EPHA5: variants seen among roughly 807,000 people sequenced by gnomAD.
The protein encoded by EPHA5 is ephrin type-A receptor 5.
In EPHA5, 60 loss-of-function variants were observed where a neutral mutation model predicts 105.0. The ratio of observed to expected loss-of-function variants is 0.57; its 90% CI spans 0.46 to 0.71. EPHA5 has a LOEUF of 0.71. EPHA5 is among the 30% of genes least tolerant of loss of function. The pLI, the probability that EPHA5 is intolerant of heterozygous loss-of-function variation, is 0.00. For missense variants in EPHA5, 1,218 were observed against 1,274.7 expected (o/e 0.96, Z 0.68); for synonymous variants, 513 against 449.1 (o/e 1.14, Z -1.80).
At chr4:65,454,284 T>TA (rs1457388139) in intron 5 of EPHA5, among the ~76,000 whole-genome samples, 4 of 130,888 alleles carry the variant, frequency 3.1e-5, no homozygotes, top group Non-Finnish European at 7.0e-5. Context: ...CCATCTCTAA[T>TA]AATAATAAAT....
intron 2 of EPHA5, among the ~76,000 whole-genome samples, chr4:65,602,672 T>C (rs1743854171): frequency 6.6e-6 from 1 of 152,010 alleles, no homozygotes; most frequent in Admixed American, 6.6e-5. Flanking sequence ...ATGTATATTT[T>C]GAATAAAGTT....
At chr4:65,661,742 C>T (rs951479801) in intron 1 of EPHA5, among the ~76,000 whole-genome samples, 3 of 152,122 alleles carry the variant, frequency 2.0e-5, no homozygotes, top group Admixed American at 2.0e-4. Context: ...ATGGGCTGAA[C>T]TGGTGCCAGC....
chr4:65,518,747 G>A (rs1265731562), intron 3 of EPHA5, among the ~76,000 whole-genome samples: 1 of 151,654 alleles, frequency 6.6e-6, no homozygotes, highest in African/African-American at 2.4e-5. Flanking sequence ...AAGAGCAAAG[G>A]ATACAAGACT....
intron 2 of EPHA5, among the ~76,000 whole-genome samples, chr4:65,625,504 T>C (rs1181353867): frequency 6.6e-6 from 1 of 152,166 alleles, no homozygotes; most frequent in African/African-American, 2.4e-5. Flanking sequence ...CATTCAAGAA[T>C]AAGATATCAA....
At chr4:65,380,190 T>A (rs1719417080) in intron 8 of EPHA5, among the ~76,000 whole-genome samples, 1 of 151,778 alleles carries the variant, frequency 6.6e-6, no homozygotes, top group African/African-American at 2.4e-5. Flanking sequence ...TAGAACACTG[T>A]ACATAACTGC....
At chr4:65,555,801 G>A (rs1175127457) in intron 3 of EPHA5, among the ~76,000 whole-genome samples, 1 of 141,008 alleles carries the variant, frequency 7.1e-6, no homozygotes, top group Non-Finnish European at 1.5e-5. Flanking sequence ...TCAAGTAGGA[G>A]TACTAGGATA....
intron 16 of EPHA5, among the ~76,000 whole-genome samples, chr4:65,325,624 G>A (rs1720004292): frequency 6.6e-6 from 1 of 151,100 alleles, no homozygotes; most frequent in Admixed American, 6.6e-5. Context: ...ACAATCCTCA[G>A]GGAAACTTAA....
rs369361168 is a variant in EPHA5 at position 65,495,400 on chromosome 4, T to C, written c.1054A>G (p.Met352Val). The C allele has an allele frequency of 1.2e-6, 2 of 1,613,024 alleles. No individual in the cohort carries two copies. Among genetic ancestry groups the C allele is most frequent in the African/African-American group, 1.3e-5 (1 of 74,822 alleles). The change falls in exon 4 of 17, where the codon ATG becomes GTG. Residue 352 changes from methionine (M) to valine (V), a missense_variant. This residue lies in a region of EPHA5 where 971 missense variants were observed against 1,013.5 expected (regional missense o/e 0.96). Coordinates refer to ENST00000613740, the MANE Select transcript of EPHA5 (RefSeq NM_001281766.3). Reference sequence around the variant, plus strand: ...TGGGTTTCCTTACTTGTGCATGCCATTGTGGGTGGATCAGACTCTCTCCTG... The same window carrying C: ...TGGGTTTCCTTACTTGTGCATGCCACTGTGGGTGGATCAGACTCTCTCCTG... ...YFRRESDPPTMACTRPPSAPR... is the reference protein window; with the variant it reads ...YFRRESDPPTVACTRPPSAPR...
chr4:65,445,884 G>A (rs1726471079), intron 5 of EPHA5, among the ~76,000 whole-genome samples: 1 of 152,070 alleles, frequency 6.6e-6, no homozygotes, highest in Non-Finnish European at 1.5e-5. Context: ...ACCAATTAGG[G>A]ATGGCGTGCT....
At chr4:65,559,798 C>T (rs1023461691) in intron 3 of EPHA5, among the ~76,000 whole-genome samples, 4 of 152,108 alleles carry the variant, frequency 2.6e-5, no homozygotes, top group African/African-American at 9.7e-5. Flanking sequence ...TGGAAAACAA[C>T]ATTTCTTTGC....
At chr4:65,607,568 A>C (rs1301259736) in intron 2 of EPHA5, among the ~76,000 whole-genome samples, 1 of 152,232 alleles carries the variant, frequency 6.6e-6, no homozygotes, top group Admixed American at 6.5e-5. Flanking sequence ...GCAGCCAACA[A>C]ATATGCGAAA....
chr4:65,348,811 A>AT lies in EPHA5; in HGVS notation c.2446-609dup, dbSNP rs1237822654. Among the ~76,000 whole-genome samples, 377 of 56,392 alleles carry AT rather than the reference A, an allele frequency of 6.7e-3. 51 individuals carry two copies. The highest frequency in any genetic ancestry group is 0.026 in the African/African-American group (358 of 13,634). 37.0% of individuals were successfully genotyped at this position (56,392 alleles called of 152,430 possible). The stretch of plus-strand genomic sequence containing the variant: ...TGTGTGTGTATATATATATATATAT[A>AT]TATATTTTTTTTTTTTTTTTTTGAG... On this transcript the variant is annotated intron_variant, in intron 13 of 16. Transcript: ENST00000613740.
intron 16 of EPHA5, among the ~76,000 whole-genome samples, chr4:65,326,547 C>A (rs988824567): frequency 1.3e-5 from 2 of 151,260 alleles, no homozygotes; most frequent in African/African-American, 4.8e-5. Context: ...CGTGTTTCCA[C>A]ATGTAAATTA....
chr4:65,629,503 G>A (rs1340283146), intron 2 of EPHA5, among the ~76,000 whole-genome samples: 5 of 152,164 alleles, frequency 3.3e-5, no homozygotes, highest in Non-Finnish European at 7.4e-5. Context: ...AAATTCATAT[G>A]TATTGTATGA....
chr4:65,384,823 A>G (rs1459194886), intron 8 of EPHA5, among the ~76,000 whole-genome samples: 3 of 151,932 alleles, frequency 2.0e-5, no homozygotes, highest in Non-Finnish European at 4.4e-5. Flanking sequence ...TAGTGTTGAT[A>G]TACAACATAC....
chr4:65,626,056 G>T (rs1033410017), intron 2 of EPHA5, among the ~76,000 whole-genome samples: 1 of 148,662 alleles, frequency 6.7e-6, no homozygotes, highest in African/African-American at 2.5e-5. Context: ...AGCCGAGATC[G>T]CGCCACTGCA....
intron 13 of EPHA5, among the ~76,000 whole-genome samples, chr4:65,348,797 A>G (rs370866523): frequency 3.2e-3 from 116 of 35,798 alleles, no homozygotes; most frequent in Non-Finnish European, 5.3e-3. Flanking sequence ...GTGTGTGTAT[A>G]TATATATATA....
rs984863353 is a variant in EPHA5 at position 65,656,753 on chromosome 4, T to G, written c.181+12809A>C. On this transcript the variant is annotated intron_variant, in intron 1 of 16. Transcript: ENST00000613740. ...CCTCAGTCACCTAGGTAGCTGGGAC[T>G]ACAGGTGCACGCCACCATGTCCGGC... Among the ~76,000 whole-genome samples, 11 of 151,286 alleles carry G rather than the reference T, an allele frequency of 7.3e-5. No homozygotes were observed. In the East Asian group the frequency reaches 2.1e-3, roughly 29 times the overall value.
chr4:65,461,573 T>A (rs922600461), intron 5 of EPHA5, among the ~76,000 whole-genome samples: 1 of 152,000 alleles, frequency 6.6e-6, no homozygotes, highest in Non-Finnish European at 1.5e-5. Context: ...AAAAATTCCA[T>A]GAAAACATAT....
Sources: gnomAD v4.1 joint callset for allele counts (sites outside exome capture counted in the v4.1 genomes callset) on GRCh38, gnomAD v4.1.1 for gene constraint, gnomAD v4.1.1 regional missense constraint, MANE v1.5 for transcripts, NCBI Gene and HGNC (gene_info 2026-07-23, HGNC 2026-07-21) for gene names.